NPAS3: variants seen among roughly 807,000 people sequenced by gnomAD.
NPAS3 encodes the protein neuronal PAS domain-containing protein 3.
In NPAS3, 14 loss-of-function variants were observed where a neutral mutation model predicts 73.1. The ratio of observed to expected loss-of-function variants is 0.19; its 90% confidence interval spans 0.13 to 0.30. The LOEUF (loss-of-function observed/expected upper bound fraction) is 0.30, where lower values mean the gene tolerates loss of function less well. NPAS3 is among the 10% of genes least tolerant of loss of function. The probability of loss-of-function intolerance (pLI) is 1.00; values close to 1 mark genes in which losing one functional copy is unlikely to be tolerated. For missense variants in NPAS3, 1,096 were observed against 1,250.0 expected, an observed-to-expected ratio of 0.88 and a Z score of 1.86; for synonymous variants, 620 against 541.5, an observed-to-expected ratio of 1.14 and a Z score of -2.01.
intron 1 of NPAS3, among the ~76,000 whole-genome samples, chr14:33,042,545 TG>T (rs1315296318): frequency 2.0e-5 from 3 of 152,192 alleles, no homozygotes; most frequent in African/African-American, 7.2e-5. Context: ...TCAATGCAAT[TG>T]AGGCACATTT....
downstream of NPAS3, chr14:33,801,406 T>A: frequency 2.3e-6 from 1 of 429,652 alleles, no homozygotes; most frequent in South Asian, 2.5e-5. Flanking sequence ...GTCTTTCATG[T>A]GTATATGCCT....
chr14:33,219,824 G>A (rs2047357498), intron 3 of NPAS3, among the ~76,000 whole-genome samples: 1 of 152,122 alleles, frequency 6.6e-6, no homozygotes, highest in Admixed American at 6.5e-5. Flanking sequence ...AAATTAGATA[G>A]CATTTTATAA....
intron 5 of NPAS3, among the ~76,000 whole-genome samples, chr14:33,591,882 T>A (rs1359650743): frequency 6.6e-6 from 1 of 152,146 alleles, no homozygotes; most frequent in Non-Finnish European, 1.5e-5. Flanking sequence ...GCCCAGTTGC[T>A]TAGAGTATAT....
chr14:33,257,760 C>T (rs1274833866), intron 3 of NPAS3, among the ~76,000 whole-genome samples: 1 of 152,156 alleles, frequency 6.6e-6, no homozygotes, highest in Non-Finnish European at 1.5e-5. Flanking sequence ...AAAAGTTACT[C>T]TCATTTCCAT....
rs140960955 is a variant in NPAS3, at chr14:33,062,030, G to A, written c.140+6036G>A. Reference sequence around the variant, plus strand: ...AGGCAGAAGTGGAGGGCTGGGGAACGGTGACAGGAGGTGAGGCTGGAGAGG... The same window carrying A: ...AGGCAGAAGTGGAGGGCTGGGGAACAGTGACAGGAGGTGAGGCTGGAGAGG... On this transcript the variant is annotated intron_variant, in intron 2 of 11. Coordinates refer to ENST00000356141, the Ensembl canonical transcript of NPAS3. 8.7e-4 allele frequency among the ~76,000 whole-genome samples: 132 copies of A among 152,000 alleles called. 2 individuals carry two copies. In the East Asian group the frequency reaches 0.022, roughly 25 times the overall value.
At position 33,302,199 on chromosome 14, in the gene NPAS3, G is replaced by GT. The variant is rs201797710; in HGVS notation, c.386-64986dup. On this transcript the variant is annotated intron_variant, in intron 3 of 11. Coordinates refer to ENST00000356141, the Ensembl canonical transcript of NPAS3. ...AGGATTTGCATACAACAACTTGTAT[G>GT]TAGATGGACTTGAAAATATAATTTT... is the stretch of plus-strand genomic sequence containing the variant. 5.8e-3 allele frequency among the ~76,000 whole-genome samples: 882 copies of GT among 152,314 alleles called. 10 individuals are homozygous for GT. Among genetic ancestry groups the GT allele is most frequent in the African/African-American group, 0.019 (772 of 41,578 alleles).
At chr14:33,361,565 C>CT (rs1313925508) in intron 3 of NPAS3, among the ~76,000 whole-genome samples, 1 of 152,160 alleles carries the variant, frequency 6.6e-6, no homozygotes, top group Non-Finnish European at 1.5e-5. Context: ...CGCCTCATCC[C>CT]TAATTATTTT....
Position 33,196,430 on chromosome 14 carries a change from T to C in NPAS3, c.141-18752T>C, listed in dbSNP as rs188453934. ...ACAGAGGGGAAGCAAACTCTACTTT[T>C]CAACAGGCCATCTCTCTCTTTTGAG... On this transcript the variant is annotated intron_variant, in intron 2 of 11. Coordinates refer to ENST00000356141, the Ensembl canonical transcript of NPAS3. Among the ~76,000 whole-genome samples the C allele has an allele frequency of 5.5e-4, 84 of 152,364 alleles. No individual in the cohort carries two copies. In the Middle Eastern group the frequency reaches 0.027, roughly 49 times the overall value.
chr14:32,958,547 C>T (rs1402348679), intron 1 of NPAS3, among the ~76,000 whole-genome samples: 1 of 152,200 alleles, frequency 6.6e-6, no homozygotes, highest in Non-Finnish European at 1.5e-5. Context: ...TCATTCTGCA[C>T]TCCCTCCAGG....
chr14:33,583,164 T>C (rs556132187), intron 5 of NPAS3: 38 of 152,226 alleles, frequency 2.5e-4, no homozygotes, highest in African/African-American at 8.7e-4. Flanking sequence ...TTCTAGGTTC[T>C]AACATTGTGT....
intron 2 of NPAS3, chr14:33,214,721 T>C (rs987764383): frequency 6.4e-6 from 1 of 155,792 alleles, no homozygotes; most frequent in Non-Finnish European, 1.4e-5. Context: ...CTCCCCAAGA[T>C]TATAATTGAA....
chr14:33,070,196 C>T (rs2041435018), intron 2 of NPAS3, among the ~76,000 whole-genome samples: 1 of 152,148 alleles, frequency 6.6e-6, no homozygotes, highest in Non-Finnish European at 1.5e-5. Context: ...TGACCAAATA[C>T]AGGAAATTAC....
At chr14:33,033,206 G>A (rs1566486828) in intron 1 of NPAS3, among the ~76,000 whole-genome samples, 2 of 152,036 alleles carry the variant, frequency 1.3e-5, no homozygotes, top group African/African-American at 2.4e-5. Context: ...GGCCAGGTGT[G>A]GGTGACTCAC....
intron 6 of NPAS3, among the ~76,000 whole-genome samples, chr14:33,694,843 G>C (rs764836939): frequency 6.6e-6 from 1 of 152,088 alleles, no homozygotes; most frequent in Non-Finnish European, 1.5e-5. Context: ...ACCTTTCTAC[G>C]TGACCCCTGA....
In NPAS3 at chr14:33,347,077, A is replaced by G. The variant is rs573140688; in HGVS notation, c.386-20109A>G. Among the ~76,000 whole-genome samples, 4 of 152,314 alleles carry G rather than the reference A, an allele frequency of 2.6e-5. No individual in the cohort carries two copies. The South Asian group carries it at 8.3e-4, about 32-fold the overall frequency. ...ATGCTCAAAAATGCTCTTTTCCTCC[A>G]CATTATCAAAATTTCAATTCTCTTG... is the stretch of plus-strand genomic sequence containing the variant. On this transcript the variant is annotated intron_variant, in intron 3 of 11. Transcript: ENST00000356141.
At chr14:33,019,818 C>T (rs899753444) in intron 1 of NPAS3, among the ~76,000 whole-genome samples, 16 of 152,276 alleles carry the variant, frequency 1.1e-4, no homozygotes, top group African/African-American at 3.8e-4. Flanking sequence ...ACATTTTGGT[C>T]GGGCCGGGAT....
In NPAS3 at chr14:33,715,153, T is replaced by C. The variant is rs1284865422; in HGVS notation, c.734-20061T>C. On this transcript the variant is annotated intron_variant, in intron 6 of 11. Coordinates refer to ENST00000356141, the Ensembl canonical transcript of NPAS3. ...AGTGACTTTGACTATAATAGGGACCTGTGACTTTCCTCAGTATTATTGCAT... is the reference window on the plus strand; with the variant it reads ...AGTGACTTTGACTATAATAGGGACCCGTGACTTTCCTCAGTATTATTGCAT... Among the ~76,000 whole-genome samples the C allele has an allele frequency of 4.6e-5, 7 of 152,240 alleles. No individual in the cohort carries two copies. The East Asian group carries it at 1.3e-3, about 29-fold the overall frequency.
At chr14:33,044,492 A>C (rs2040439647) in intron 1 of NPAS3, among the ~76,000 whole-genome samples, 1 of 152,136 alleles carries the variant, frequency 6.6e-6, no homozygotes, top group Admixed American at 6.6e-5. Context: ...TGTGTATAGC[A>C]ACAATTCTTA....
chr14:33,130,017 G>A (rs2043574974), intron 2 of NPAS3, among the ~76,000 whole-genome samples: 2 of 152,056 alleles, frequency 1.3e-5, no homozygotes, highest in South Asian at 4.2e-4. Flanking sequence ...TTTTAATTTA[G>A]GATGTTATTT....
Sources: gnomAD v4.1 joint callset for allele counts (sites outside exome capture counted in the v4.1 genomes callset) on GRCh38, gnomAD v4.1.1 for gene constraint, MANE v1.5 for transcripts, NCBI Gene and HGNC (gene_info 2026-07-23, HGNC 2026-07-21) for gene names.